The following VPS41 variants were observed in gnomAD, a reference collection of about 807,000 sequenced individuals.
VPS41 encodes the protein vacuolar protein sorting-associated protein 41 homolog.
A neutral mutation model predicts 130.9 loss-of-function variants in VPS41; 85 were observed. The ratio of observed to expected loss-of-function variants is 0.65; its 90% CI spans 0.55 to 0.78. The LOEUF (loss-of-function observed/expected upper bound fraction) is 0.78. Ranked by LOEUF, VPS41 falls within the 30% of genes least tolerant of loss-of-function variation. The pLI, the probability that VPS41 is intolerant of heterozygous loss-of-function variation, is 0.00. For synonymous variants in VPS41, 335 were observed against 332.9 expected (o/e 1.01, Z -0.07); for missense variants, 874 against 1,018.7 (o/e 0.86, Z 1.93).
intron 10 of VPS41, among the ~76,000 whole-genome samples, chr7:38,783,896 T>C (rs1784395246): frequency 6.6e-6 from 1 of 152,218 alleles, no homozygotes; most frequent in African/African-American, 2.4e-5. Flanking sequence ...ATTAAATCAA[T>C]ATTTTTATTA....
At chr7:38,776,556 T>C in intron 11 of VPS41, 123 bp downstream of exon 11, 1 of 564,384 alleles carries the variant, frequency 1.8e-6, no homozygotes. Flanking sequence ...CTGCCAACCT[T>C]ATTTTATAGG....
intron 1 of VPS41, among the ~76,000 whole-genome samples, chr7:38,902,812 G>A (rs1787173906): frequency 6.6e-6 from 1 of 152,198 alleles, no homozygotes; most frequent in Non-Finnish European, 1.5e-5. Context: ...CACTCAGCCT[G>A]AGGACATTCA....
chr7:38,749,072 T>C (rs1276041513), intron 22 of VPS41, among the ~76,000 whole-genome samples: 1 of 152,216 alleles, frequency 6.6e-6, no homozygotes, highest in Non-Finnish European at 1.5e-5. Flanking sequence ...AAACTCTGTA[T>C]TTCCTTTAGA....
At chr7:38,901,708 G>A (rs1360966298) in intron 1 of VPS41, among the ~76,000 whole-genome samples, 1 of 152,122 alleles carries the variant, frequency 6.6e-6, no homozygotes, top group Non-Finnish European at 1.5e-5. Context: ...GCACAACAAT[G>A]TGAGTGTATT....
chr7:38,821,379 C>T, intron 5 of VPS41, 114 bp from the exon 6 acceptor site: 1 of 729,400 alleles, frequency 1.4e-6, no homozygotes, highest in Non-Finnish European at 2.3e-6. Context: ...AATTTTAAGG[C>T]CCCGTGACCT....
intron 25 of VPS41, among the ~76,000 whole-genome samples, chr7:38,737,566 G>C (rs1003501150): frequency 9.2e-5 from 14 of 152,174 alleles, no homozygotes; most frequent in Admixed American, 1.3e-4. Context: ...TCTACTGCAT[G>C]ACATGGGCAA....
chr7:38,854,414 T>A (rs1354618995), intron 4 of VPS41, among the ~76,000 whole-genome samples: 3 of 152,168 alleles, frequency 2.0e-5, no homozygotes, highest in South Asian at 4.1e-4. Flanking sequence ...AGTTTATAGA[T>A]CTGCTCCAAA....
At chr7:38,865,054 T>A (rs888993804) in intron 3 of VPS41, among the ~76,000 whole-genome samples, 2 of 152,174 alleles carry the variant, frequency 1.3e-5, no homozygotes, top group Non-Finnish European at 2.9e-5. Context: ...CCATTTTAAA[T>A]CTGGTCAACT....
At chr7:38,765,739 A>C (rs1179742521) in intron 15 of VPS41, 78 bp from the exon 16 acceptor site, 3 of 907,260 alleles carry the variant, frequency 3.3e-6, no homozygotes, top group African/African-American at 3.4e-5. Context: ...GAATAAGTAG[A>C]CATTTTCCCC....
chr7:38,809,067 T>C (rs955320745), intron 7 of VPS41, among the ~76,000 whole-genome samples: 6 of 152,110 alleles, frequency 3.9e-5, no homozygotes, highest in African/African-American at 1.4e-4. Flanking sequence ...AGTATTCTCA[T>C]CCCCAAAGAA....
intron 5 of VPS41, among the ~76,000 whole-genome samples, chr7:38,828,200 T>C (rs1295747941): frequency 6.6e-6 from 1 of 152,038 alleles, no homozygotes; most frequent in Non-Finnish European, 1.5e-5. Context: ...GTACTTATCC[T>C]AAAAGTTTTC....
intron 2 of VPS41, among the ~76,000 whole-genome samples, chr7:38,877,594 C>G (rs769411326): frequency 6.6e-6 from 1 of 152,036 alleles, no homozygotes; most frequent in Admixed American, 6.6e-5. Flanking sequence ...AGATTAAATG[C>G]CTCTCGAGCA....
At position 38,808,312 on chromosome 7, in the gene VPS41, C is replaced by T. The variant is rs573700811; in HGVS notation, c.450+9505G>A. 3.9e-5 allele frequency among the ~76,000 whole-genome samples: 6 copies of T among 152,034 alleles called. No homozygotes were observed. The East Asian group carries it at 5.8e-4, about 15-fold the overall frequency. ...GCTTAGTATACATAGGAAAACTCACCGAAAAATACTTTAAACAGTAGAGCT... is the reference window on the plus strand; with the variant it reads ...GCTTAGTATACATAGGAAAACTCACTGAAAAATACTTTAAACAGTAGAGCT... On this transcript the variant is annotated intron_variant, in intron 7 of 28. Transcript: ENST00000310301.
intron 7 of VPS41, among the ~76,000 whole-genome samples, chr7:38,817,586 C>G (rs1349326012): frequency 6.6e-6 from 1 of 152,226 alleles, no homozygotes; most frequent in African/African-American, 2.4e-5. Flanking sequence ...CCACTGCACT[C>G]CATCCTGGGC....
intron 2 of VPS41, among the ~76,000 whole-genome samples, chr7:38,892,569 G>A (rs1449441456): frequency 6.6e-6 from 1 of 152,164 alleles, no homozygotes. Flanking sequence ...GCAGTAACTT[G>A]TAGGACTTAA....
At chr7:38,829,094 ATTC>A (rs1785335537) in intron 5 of VPS41, among the ~76,000 whole-genome samples, 2 of 152,180 alleles carry the variant, frequency 1.3e-5, no homozygotes, top group African/African-American at 4.8e-5. Context: ...GGTGTGGATA[ATTC>A]TTCTCCATTT....
In VPS41 at chr7:38,898,218, C is replaced by T. The variant is rs1022500283; in HGVS notation, c.22-89G>A. On this transcript the variant is annotated intron_variant, in intron 1 of 28. Transcript: ENST00000310301. ...GAAAGAGTCCTCATGTTCCTACTAC[C>T]ACGCATCTGCCCTTTTTGGAAGAGA... The T allele has an allele frequency of 1.0e-5, 11 of 1,079,768 alleles. No individual in the cohort carries two copies. In the African/African-American group the frequency reaches 1.4e-4, roughly 14 times the overall value. The allele number at this position is 1,079,768 out of a possible 1,614,324, so 66.9% of individuals were successfully genotyped here.
intron 25 of VPS41, 88 bp from the exon 26 acceptor site, chr7:38,728,879 TG>T: frequency 8.4e-7 from 1 of 1,188,026 alleles, no homozygotes. Context: ...TTCCAAAAGC[TG>T]GCATGCTTGA....
chr7:38,843,543 G>A (rs183558270), intron 4 of VPS41, among the ~76,000 whole-genome samples: 1,642 of 148,664 alleles, frequency 0.011, 10 homozygotes, highest in South Asian at 0.022. Flanking sequence ...TTAGCCGGGC[G>A]CGGTGCTGGG....
Sources: gnomAD v4.1 joint callset for allele counts (sites outside exome capture counted in the v4.1 genomes callset) on GRCh38, gnomAD v4.1.1 for gene constraint, MANE v1.5 for transcripts, NCBI Gene and HGNC (gene_info 2026-07-23, HGNC 2026-07-21) for gene names.